The following OXR1 variants were observed in gnomAD, a reference collection of about 807,000 sequenced individuals.
OXR1 encodes oxidation resistance protein 1.
A neutral mutation model predicts 104.6 loss-of-function variants in OXR1; 41 were observed. The ratio of observed to expected loss-of-function variants is 0.39; its 90% CI spans 0.31 to 0.51. The LOEUF is 0.51. OXR1 is among the 20% of genes least tolerant of loss of function. OXR1 has a pLI of 0.77. For synonymous variants in OXR1, 348 were observed against 348.4 expected, an observed-to-expected ratio of 1.00 and a Z score of 0.01; for missense variants, 955 against 1,031.9, an observed-to-expected ratio of 0.93 and a Z score of 1.02.
chr8:106,604,402 C>T (rs540763056), intron 3 of OXR1, among the ~76,000 whole-genome samples: 10 of 152,210 alleles, frequency 6.6e-5, no homozygotes, highest in Non-Finnish European at 1.0e-4. Flanking sequence ...GTAATCCACC[C>T]GCCTCGGCCT....
At chr8:106,396,512 A>G (rs1315553643) in intron 2 of OXR1, among the ~76,000 whole-genome samples, 2 of 152,130 alleles carry the variant, frequency 1.3e-5, no homozygotes, top group African/African-American at 2.4e-5. Context: ...AAATATTATT[A>G]AAACTGTCAA....
chr8:106,493,065 C>T (rs1456572500), intron 2 of OXR1, among the ~76,000 whole-genome samples: 2 of 151,906 alleles, frequency 1.3e-5, no homozygotes, highest in Non-Finnish European at 2.9e-5. Context: ...AAAAATTGAA[C>T]TAGTATTCAT....
chr8:106,486,246 T>C (rs781462245), intron 2 of OXR1, among the ~76,000 whole-genome samples: 3 of 152,158 alleles, frequency 2.0e-5, no homozygotes, highest in Admixed American at 6.6e-5. Context: ...TATCTGTGAT[T>C]TTTTAAAAAA....
intron 1 of OXR1, among the ~76,000 whole-genome samples, chr8:106,273,095 C>T (rs1811883423): frequency 6.6e-6 from 1 of 152,100 alleles, no homozygotes; most frequent in African/African-American, 2.4e-5. Context: ...ATTTGAAATA[C>T]AAAGGATTGT....
chr8:106,465,790 T>C (rs1316214496), intron 2 of OXR1, among the ~76,000 whole-genome samples: 1 of 151,972 alleles, frequency 6.6e-6, no homozygotes, highest in African/African-American at 2.4e-5. Flanking sequence ...ATCACTAGAT[T>C]TAGAGTGGAT....
At chr8:106,726,338 T>A (rs933398428) in intron 11 of OXR1, 1 of 1,148,026 alleles carries the variant, frequency 8.7e-7, no homozygotes, top group African/African-American at 1.6e-5. Flanking sequence ...TTTTAATTTG[T>A]ATATATACTA....
chr8:106,736,610 C>T (rs929225222), intron 11 of OXR1, among the ~76,000 whole-genome samples: 12 of 152,168 alleles, frequency 7.9e-5, no homozygotes, highest in Admixed American at 2.0e-4. Context: ...AGAATTATGT[C>T]ATGATCTGAA....
intron 1 of OXR1, among the ~76,000 whole-genome samples, chr8:106,355,532 T>A (rs1183997734): frequency 6.6e-6 from 1 of 152,076 alleles, no homozygotes; most frequent in Non-Finnish European, 1.5e-5. Context: ...AGGCACATTG[T>A]GCCTATTCTT....
chr8:106,649,728 G>A (rs533471621), intron 3 of OXR1, among the ~76,000 whole-genome samples: 41 of 151,592 alleles, frequency 2.7e-4, no homozygotes, highest in Non-Finnish European at 5.3e-4. Context: ...ATGGAGTCTC[G>A]CTCTGTCGCC....
intron 1 of OXR1, among the ~76,000 whole-genome samples, chr8:106,336,098 T>C (rs1003033790): frequency 6.6e-6 from 1 of 152,176 alleles, no homozygotes; most frequent in African/African-American, 2.4e-5. Flanking sequence ...TGTTTCTTCA[T>C]AATAATAATA....
intron 2 of OXR1, among the ~76,000 whole-genome samples, chr8:106,453,709 C>T (rs557913105): frequency 1.3e-5 from 2 of 152,312 alleles, no homozygotes; most frequent in East Asian, 1.9e-4. Context: ...ATACATAGTC[C>T]AGGCCTTTCA....
At chr8:106,352,886 T>C (rs949648258) in intron 1 of OXR1, among the ~76,000 whole-genome samples, 1 of 152,220 alleles carries the variant, frequency 6.6e-6, no homozygotes, top group Non-Finnish European at 1.5e-5. Flanking sequence ...TTGATTTTAC[T>C]CTATAAGCAT....
chr8:106,408,772 T>G (rs1482006808), intron 2 of OXR1, among the ~76,000 whole-genome samples: 1 of 152,100 alleles, frequency 6.6e-6, no homozygotes, highest in East Asian at 1.9e-4. Context: ...CAGACACAGG[T>G]ATGCAGTGTA....
chr8:106,419,670 G>T (rs1281092629), intron 2 of OXR1, among the ~76,000 whole-genome samples: 1 of 152,092 alleles, frequency 6.6e-6, no homozygotes, highest in Non-Finnish European at 1.5e-5. Context: ...TGGGAGACAG[G>T]CTTTTAGTTT....
chr8:106,449,425 T>A (rs1820193840), intron 2 of OXR1, among the ~76,000 whole-genome samples: 1 of 152,156 alleles, frequency 6.6e-6, no homozygotes, highest in Non-Finnish European at 1.5e-5. Flanking sequence ...CAACACCACT[T>A]CTACTCAAAG....
At chr8:106,546,700 A>G (rs1047652591) in intron 3 of OXR1, among the ~76,000 whole-genome samples, 1 of 152,090 alleles carries the variant, frequency 6.6e-6, no homozygotes, top group Admixed American at 6.5e-5. Context: ...TACATAAGGT[A>G]AGGTGAACAT....
chr8:106,304,120 C>T (rs10099854), intron 1 of OXR1, among the ~76,000 whole-genome samples: 33,438 of 152,060 alleles, frequency 0.22, 5,446 homozygotes, highest in African/African-American at 0.46. Flanking sequence ...TACTGTACCA[C>T]GTTTTAATCT....
intron 3 of OXR1, chr8:106,657,828 G>T (rs1003403861): frequency 1.1e-5 from 13 of 1,235,674 alleles, no homozygotes; most frequent in Non-Finnish European, 1.3e-5. Flanking sequence ...CCCGGGCAGA[G>T]AGAGGGACGC....
intron 12 of OXR1, among the ~76,000 whole-genome samples, chr8:106,738,892 AAG>A (rs1200611692): frequency 6.6e-6 from 1 of 152,108 alleles, no homozygotes; most frequent in African/African-American, 2.4e-5. Flanking sequence ...AAGTTATAAA[AAG>A]AAAGCATTTA....
Sources: allele counts gnomAD v4.1 joint callset (sites outside exome capture counted in the v4.1 genomes callset), GRCh38; gene constraint gnomAD v4.1.1; transcripts MANE v1.5; gene names NCBI Gene and HGNC (gene_info 2026-07-23, HGNC 2026-07-21).